Variants in PCDH15 observed in about 807,000 individuals in gnomAD.
PCDH15 encodes the protein protocadherin-15.
In PCDH15, 129 loss-of-function variants were observed where a neutral mutation model predicts 178.5. That is an observed-to-expected ratio of 0.72 (90% CI 0.63 to 0.84). The LOEUF is 0.84. Among genes scored for constraint, PCDH15 ranks in the 40% least tolerant of loss-of-function variants. The pLI is 0.00. For synonymous variants in PCDH15, 800 were observed against 732.0 expected, an observed-to-expected ratio of 1.09 and a Z score of -1.50; for missense variants, 2,230 against 2,099.9, an observed-to-expected ratio of 1.06 and a Z score of -1.21.
At chr10:55,589,741 T>C (rs1412735429) in intron 2 of PCDH15, among the ~76,000 whole-genome samples, 4 of 149,248 alleles carry the variant, frequency 2.7e-5, no homozygotes, top group African/African-American at 9.8e-5. Context: ...ATCAGAGAAA[T>C]GCAAATCAAA....
At chr10:55,520,071 A>C (rs1435981440) in intron 2 of PCDH15, among the ~76,000 whole-genome samples, 1 of 144,386 alleles carries the variant, frequency 6.9e-6, no homozygotes, top group Non-Finnish European at 1.5e-5. Flanking sequence ...TATATATGGC[A>C]TATATATATA....
chr10:54,323,885 T>C (rs2061765116), intron 7 of PCDH15, among the ~76,000 whole-genome samples: 1 of 152,200 alleles, frequency 6.6e-6, no homozygotes, highest in South Asian at 2.1e-4. Context: ...GGGTATTCTA[T>C]TGTCTTGTAA....
At chr10:54,504,834 C>T (rs1438427704) in intron 3 of PCDH15, among the ~76,000 whole-genome samples, 1 of 152,048 alleles carries the variant, frequency 6.6e-6, no homozygotes, top group African/African-American at 2.4e-5. Context: ...TCTGTACTCT[C>T]TCTGTACATG....
intron 3 of PCDH15, among the ~76,000 whole-genome samples, chr10:54,832,956 A>G (rs1461830389): frequency 6.6e-6 from 1 of 152,162 alleles, no homozygotes; most frequent in Non-Finnish European, 1.5e-5. Context: ...TGCAAGGAGA[A>G]ACTACCAGGT....
chr10:55,616,797 A>G (rs1477495436), intron 2 of PCDH15, among the ~76,000 whole-genome samples: 1 of 152,192 alleles, frequency 6.6e-6, no homozygotes, highest in Non-Finnish European at 1.5e-5. Flanking sequence ...TTTGGTCTCT[A>G]CAATAGTGAG....
chr10:54,112,778 T>G (rs183329485), intron 15 of PCDH15, among the ~76,000 whole-genome samples: 1 of 152,266 alleles, frequency 6.6e-6, no homozygotes, highest in Non-Finnish European at 1.5e-5. Flanking sequence ...CAATTTTAAA[T>G]AATAATATAT....
At chr10:54,407,769 G>T (rs984268105) in intron 3 of PCDH15, among the ~76,000 whole-genome samples, 2 of 152,066 alleles carry the variant, frequency 1.3e-5, no homozygotes, top group Non-Finnish European at 2.9e-5. Flanking sequence ...AAAAGGAAAA[G>T]GGATGGCTGG....
intron 2 of PCDH15, among the ~76,000 whole-genome samples, chr10:55,549,291 T>C (rs1841957368): frequency 6.6e-6 from 1 of 152,156 alleles, no homozygotes; most frequent in Admixed American, 6.6e-5. Flanking sequence ...CATTTTCAGA[T>C]GAAAGTTAAT....
chr10:54,948,215 C>A (rs1838239318), intron 2 of PCDH15, among the ~76,000 whole-genome samples: 1 of 151,926 alleles, frequency 6.6e-6, no homozygotes, highest in Non-Finnish European at 1.5e-5. Flanking sequence ...GGTATAAGTT[C>A]CAGTTTGAAA....
At chr10:55,529,140 T>C (rs1361569890) in intron 2 of PCDH15, among the ~76,000 whole-genome samples, 2 of 152,150 alleles carry the variant, frequency 1.3e-5, no homozygotes, top group African/African-American at 2.4e-5. Flanking sequence ...CTTTGTCAGA[T>C]GAGTAGATTG....
At chr10:54,007,137 C>T (rs1033336569) in intron 20 of PCDH15, among the ~76,000 whole-genome samples, 2 of 152,166 alleles carry the variant, frequency 1.3e-5, no homozygotes, top group African/African-American at 4.8e-5. Flanking sequence ...TGTAGAACAG[C>T]CCTTTTCTTT....
chr10:54,961,361 C>T (rs1838649778), intron 2 of PCDH15, among the ~76,000 whole-genome samples: 1 of 152,190 alleles, frequency 6.6e-6, no homozygotes, highest in African/African-American at 2.4e-5. Context: ...AGGAACCCCT[C>T]CACATGAACA....
At chr10:55,286,227 T>C (rs1333920384) in intron 1 of PCDH15, among the ~76,000 whole-genome samples, 1 of 151,848 alleles carries the variant, frequency 6.6e-6, no homozygotes, top group Admixed American at 6.6e-5. Context: ...TCATAGAAAA[T>C]GACTGCATTA....
chr10:54,854,181 C>T (rs1238811125), intron 3 of PCDH15, among the ~76,000 whole-genome samples: 1 of 152,172 alleles, frequency 6.6e-6, no homozygotes, highest in Non-Finnish European at 1.5e-5. Flanking sequence ...AGGCACACCA[C>T]AAGCAGCTTC....
At chr10:54,389,021 C>G (rs778476009) in intron 3 of PCDH15, among the ~76,000 whole-genome samples, 1 of 152,094 alleles carries the variant, frequency 6.6e-6, no homozygotes, top group East Asian at 1.9e-4. Flanking sequence ...TTCTTGAGCC[C>G]ACATATTAAT....
chr10:55,175,977 G>C (rs1481808347), intron 1 of PCDH15, among the ~76,000 whole-genome samples: 3 of 152,008 alleles, frequency 2.0e-5, no homozygotes, highest in African/African-American at 7.2e-5. Context: ...AGGGTGGACT[G>C]TCCCGGGAGA....
intron 1 of PCDH15, among the ~76,000 whole-genome samples, chr10:54,772,504 A>T (rs1057260713): frequency 1.3e-5 from 2 of 152,114 alleles, no homozygotes; most frequent in Non-Finnish European, 2.9e-5. Flanking sequence ...TCCAACAAAC[A>T]TATGAAAAAA....
At chr10:55,031,647 G>T (rs1036517882) in intron 2 of PCDH15, among the ~76,000 whole-genome samples, 1 of 152,116 alleles carries the variant, frequency 6.6e-6, no homozygotes, top group African/African-American at 2.4e-5. Flanking sequence ...AGAAGGTGAG[G>T]TTTTTTAGAG....
intron 2 of PCDH15, among the ~76,000 whole-genome samples, chr10:54,539,966 G>T (rs968980884): frequency 6.6e-6 from 1 of 152,038 alleles, no homozygotes; most frequent in African/African-American, 2.4e-5. Flanking sequence ...AGAAAGACAC[G>T]CAAAATACCA....
Sources: allele counts gnomAD v4.1 joint callset (sites outside exome capture counted in the v4.1 genomes callset), GRCh38; gene constraint gnomAD v4.1.1; transcripts MANE v1.5; gene names NCBI Gene and HGNC (gene_info 2026-07-23, HGNC 2026-07-21).